Variants in GPHN observed in about 807,000 individuals in gnomAD.
The protein encoded by GPHN is gephyrin.
GPHN carries 17 observed loss-of-function variants against 95.5 expected under a neutral mutation model. That is an observed-to-expected ratio of 0.18 (90% CI 0.12 to 0.27). GPHN has a LOEUF of 0.27. GPHN is among the 10% of genes least tolerant of loss of function. The pLI, the probability that GPHN is intolerant of heterozygous loss-of-function variation, is 1.00. For missense variants in GPHN, 660 were observed against 978.1 expected, an observed-to-expected ratio of 0.67 and a Z score of 4.34; for synonymous variants, 320 against 322.5, an observed-to-expected ratio of 0.99 and a Z score of 0.08.
the GPHN span, chr14:67,649,077 G>C: frequency 1.3e-5 from 2 of 152,154 alleles, no homozygotes; most frequent in South Asian, 2.1e-4. Context: ...TGTTGCCAGT[G>C]GTCCTTAGGT....
At chr14:67,322,325 T>C in the GPHN span, among the ~76,000 whole-genome samples, 227 of 152,118 alleles carry the variant, frequency 1.5e-3, 4 homozygotes, top group East Asian at 5.8e-4. Context: ...GGTGACAGAG[T>C]GAGCAGAGTG....
At chr14:67,661,618 G>A in the GPHN span, among the ~76,000 whole-genome samples, 1 of 139,016 alleles carries the variant, frequency 7.2e-6, no homozygotes, top group Non-Finnish European at 1.5e-5. Context: ...CCACATGCTT[G>A]ACCTCCCAGG....
chr14:66,623,338 T>C (rs1380935467), intron 1 of GPHN, among the ~76,000 whole-genome samples: 1 of 152,050 alleles, frequency 6.6e-6, no homozygotes, highest in Non-Finnish European at 1.5e-5. Flanking sequence ...GGAGTTACAA[T>C]TGAGGATGAG....
chr14:67,692,885 AG>A, the GPHN span: 1 of 1,227,682 alleles, frequency 8.1e-7, no homozygotes, highest in Admixed American at 1.8e-5. Flanking sequence ...CATTACTGTG[AG>A]GGGTAAAACA....
chr14:67,167,583 G>A (rs1168316802), intron 20 of GPHN, among the ~76,000 whole-genome samples: 1 of 152,040 alleles, frequency 6.6e-6, no homozygotes, highest in Admixed American at 6.5e-5. Flanking sequence ...TATGATTATA[G>A]CTAATAATAG....
At chr14:67,411,759 G>A in the GPHN span, among the ~76,000 whole-genome samples, 1 of 152,218 alleles carries the variant, frequency 6.6e-6, no homozygotes, top group African/African-American at 2.4e-5. Context: ...ACACGCTTCA[G>A]TACCCCTGCC....
chr14:66,918,088 C>T (rs1336622714), intron 6 of GPHN, among the ~76,000 whole-genome samples: 2 of 152,176 alleles, frequency 1.3e-5, no homozygotes, highest in Non-Finnish European at 2.9e-5. Context: ...TCATGGAACT[C>T]ACAGAAAGCT....
At chr14:66,776,739 G>A (rs1041655659) in intron 3 of GPHN, among the ~76,000 whole-genome samples, 64 of 152,034 alleles carry the variant, frequency 4.2e-4, no homozygotes, top group Non-Finnish European at 7.8e-4. Context: ...TAGGAGAATC[G>A]AAAAGGAACC....
rs561089963 is a variant in GPHN at position 66,790,713 on chromosome 14, G to A, written c.201+14192G>A. Among the ~76,000 whole-genome samples, 8 of 152,320 alleles carry A rather than the reference G, an allele frequency of 5.3e-5. No individual in the cohort carries two copies. The South Asian group carries it at 6.2e-4, about 12-fold the overall frequency. On this transcript the variant is annotated intron_variant, in intron 3 of 22. Coordinates refer to ENST00000478722, the MANE Select transcript of GPHN (RefSeq NM_020806.5). ...CACTGCCTGTGGCAGGGCGGGGAGG[G>A]TCAGGGAACTCAGGAGCTCAGGGAA...
intron 1 of GPHN, among the ~76,000 whole-genome samples, chr14:66,646,120 A>T (rs1233642722): frequency 6.6e-6 from 1 of 152,190 alleles, no homozygotes; most frequent in Non-Finnish European, 1.5e-5. Flanking sequence ...AAAAAAAACT[A>T]GATTAAAATT....
At chr14:67,727,154 G>T in the GPHN span, 1 of 1,614,022 alleles carries the variant, frequency 6.2e-7, no homozygotes, top group South Asian at 1.1e-5. Context: ...GCTGGCCAAT[G>T]TGCTTTTTAC....
At chr14:66,951,471 G>A (rs995518899) in intron 8 of GPHN, among the ~76,000 whole-genome samples, 1 of 144,780 alleles carries the variant, frequency 6.9e-6, no homozygotes, top group Non-Finnish European at 1.5e-5. Flanking sequence ...AGCCAAGATC[G>A]CACCACTGCA....
Position 66,922,914 on chromosome 14 carries a change from A to G in GPHN, c.705A>G (p.Ile235Met). ...ASTEDSSSSHITAAAIAAKKH... is the reference protein window; with the variant it reads ...ASTEDSSSSHMTAAAIAAKKH... ...CAGAAGATAGTTCCTCATCACATAT[A>G]ACTGCAGCAGCCATTGCTGCCAAGG... The change falls in exon 7 of 23, where the codon ATA becomes ATG. Residue 235 changes from isoleucine (I) to methionine (M), a missense_variant. By Grantham distance (10) the Ile-to-Met change is conservative. Around this residue, in one of 6 missense-constraint regions of GPHN, gnomAD observed 190 missense variants for 224.7 expected, o/e 0.85. Coordinates refer to ENST00000478722, the MANE Select transcript of GPHN (RefSeq NM_020806.5). The G allele has an allele frequency of 1.2e-6, 2 of 1,613,082 alleles. No homozygotes were observed. The highest frequency in any genetic ancestry group is 1.7e-6 in the Non-Finnish European group (2 of 1,179,842).
the GPHN span, among the ~76,000 whole-genome samples, chr14:67,341,542 G>A: frequency 1.3e-5 from 2 of 149,232 alleles, no homozygotes; most frequent in South Asian, 2.1e-4. Flanking sequence ...CTGGCCAGCC[G>A]CCCCGTCCGG....
the GPHN span, among the ~76,000 whole-genome samples, chr14:67,273,422 T>C: frequency 6.6e-6 from 1 of 152,214 alleles, no homozygotes; most frequent in African/African-American, 2.4e-5. Flanking sequence ...GGTTTCCAGC[T>C]TCATCTTTGT....
the GPHN span, among the ~76,000 whole-genome samples, chr14:67,534,928 C>T: frequency 4.5e-3 from 679 of 152,282 alleles, 18 homozygotes; most frequent in East Asian, 0.063. Context: ...TTCATTGCAG[C>T]ATTGTTTAGC....
At chr14:67,659,371 G>C in the GPHN span, among the ~76,000 whole-genome samples, 30 of 151,884 alleles carry the variant, frequency 2.0e-4, no homozygotes, top group African/African-American at 7.2e-4. Flanking sequence ...ATTTATATGA[G>C]AGAATAAAAA....
intron 3 of GPHN, among the ~76,000 whole-genome samples, chr14:66,800,268 G>C (rs1394371746): frequency 6.6e-6 from 1 of 152,014 alleles, no homozygotes; most frequent in Non-Finnish European, 1.5e-5. Flanking sequence ...GTAATATTCT[G>C]TATTTTTCTG....
chr14:67,089,113 G>GTT, intron 12 of GPHN, 38 bp downstream of exon 12: 2 of 367,800 alleles, frequency 5.4e-6, no homozygotes, highest in South Asian at 2.9e-5. Flanking sequence ...ATCAGGCACT[G>GTT]TATTTTTTTT....
Sources: allele counts gnomAD v4.1 joint callset (sites outside exome capture counted in the v4.1 genomes callset), GRCh38; gene constraint gnomAD v4.1.1; regional missense constraint gnomAD v4.1.1; transcripts MANE v1.5; gene names NCBI Gene and HGNC (gene_info 2026-07-23, HGNC 2026-07-21).